Variants in CEPT1 observed in about 807,000 individuals in gnomAD.
CEPT1 encodes choline/ethanolamine phosphotransferase 1.
In CEPT1, 7 loss-of-function variants were observed where a neutral mutation model predicts 42.6. That is an observed-to-expected ratio of 0.16 (90% CI 0.09 to 0.31). The LOEUF (loss-of-function observed/expected upper bound fraction) is 0.31. Ranked by LOEUF, CEPT1 falls within the 10% of genes least tolerant of loss-of-function variation. The pLI is 1.00. For synonymous variants in CEPT1, 171 were observed against 171.9 expected (o/e 0.99, Z 0.04); for missense variants, 306 against 502.1 (o/e 0.61, Z 3.73).
At chr1:111,164,816 G>A (rs987693304) in intron 4 of CEPT1, among the ~76,000 whole-genome samples, 141 of 151,858 alleles carry the variant, frequency 9.3e-4, no homozygotes, top group African/African-American at 3.1e-3. Context: ...GTAGAGATGG[G>A]GTTTCACCGT....
At chr1:111,176,731 T>G (rs1656694523) in intron 5 of CEPT1, among the ~76,000 whole-genome samples, 1 of 152,176 alleles carries the variant, frequency 6.6e-6, no homozygotes, top group South Asian at 2.1e-4. Context: ...TTATACACAT[T>G]GCCCAAAGGT....
chr1:111,173,805 T>C (rs1260050189), intron 4 of CEPT1, among the ~76,000 whole-genome samples: 2 of 152,196 alleles, frequency 1.3e-5, no homozygotes, highest in African/African-American at 4.8e-5. Flanking sequence ...AAAAATAGCC[T>C]GTACACATTC....
At chr1:111,160,745 TA>T (rs111251108) in intron 3 of CEPT1, 5,136 of 159,046 alleles carry the variant, frequency 0.032, 230 homozygotes, top group African/African-American at 0.1. Flanking sequence ...AATATCTGTT[TA>T]AAAAAAAAAA....
chr1:111,159,331 T>C (rs749913948), intron 2 of CEPT1, 49 bp from the exon 3 acceptor site: 2 of 1,563,798 alleles, frequency 1.3e-6, no homozygotes, highest in South Asian at 2.4e-5. Flanking sequence ...TAGTCAAACA[T>C]GGTAACTGTG....
chr1:111,176,184 G>A (rs185989179), intron 5 of CEPT1, among the ~76,000 whole-genome samples: 1 of 152,264 alleles, frequency 6.6e-6, no homozygotes, highest in East Asian at 1.9e-4. Context: ...ATTCAGTTAT[G>A]TACATAATAT....
At chr1:111,174,751 C>A (rs936174801) in intron 4 of CEPT1, 128 bp from the exon 5 acceptor site, 7 of 530,948 alleles carry the variant, frequency 1.3e-5, no homozygotes, top group African/African-American at 1.1e-4. Context: ...CTCCTTTTCC[C>A]CTTTCCTCAA....
At chr1:111,147,488 C>T (rs1655032325) in intron 1 of CEPT1, among the ~76,000 whole-genome samples, 154 bp from the exon 2 acceptor site, 1 of 151,972 alleles carries the variant, frequency 6.6e-6, no homozygotes, top group East Asian at 1.9e-4. Context: ...AGAACTAGAA[C>T]CAAAATCAGG....
At chr1:111,168,272 A>C (rs1024166580) in intron 4 of CEPT1, among the ~76,000 whole-genome samples, 1 of 152,174 alleles carries the variant, frequency 6.6e-6, no homozygotes, top group Non-Finnish European at 1.5e-5. Context: ...ACACTTTAGC[A>C]TAAGAAAAAA....
intron 5 of CEPT1, among the ~76,000 whole-genome samples, chr1:111,177,253 G>A (rs1656724701): frequency 6.6e-6 from 1 of 152,146 alleles, no homozygotes; most frequent in Admixed American, 6.5e-5. Context: ...ACAGGATATG[G>A]GTCTGTGCAC....
intron 4 of CEPT1, among the ~76,000 whole-genome samples, chr1:111,174,317 G>A (rs1656567415): frequency 6.6e-6 from 1 of 151,910 alleles, no homozygotes; most frequent in African/African-American, 2.4e-5. Flanking sequence ...AGAAGTCTCA[G>A]AGTAGTTAAC....
intron 1 of CEPT1, 44 bp from the exon 2 acceptor site, chr1:111,147,598 C>A (rs1655041237): frequency 1.5e-6 from 1 of 668,424 alleles, no homozygotes; most frequent in Non-Finnish European, 2.4e-6. Flanking sequence ...TAAATAGTGG[C>A]CAACAAGTGT....
At chr1:111,177,276 C>T (rs1002947503) in intron 5 of CEPT1, among the ~76,000 whole-genome samples, 4 of 152,134 alleles carry the variant, frequency 2.6e-5, no homozygotes, top group African/African-American at 4.8e-5. Flanking sequence ...AGATATATTG[C>T]AGCTATGAAG....
intron 2 of CEPT1, among the ~76,000 whole-genome samples, chr1:111,152,361 A>G (rs77520259): frequency 0.023 from 3,533 of 151,548 alleles, 141 homozygotes; most frequent in African/African-American, 0.08. Context: ...AAAAAAATGC[A>G]AAGAGTGGCA....
At chr1:111,151,114 G>A (rs1571119006) in intron 2 of CEPT1, among the ~76,000 whole-genome samples, 1 of 144,668 alleles carries the variant, frequency 6.9e-6, no homozygotes, top group South Asian at 2.2e-4. Flanking sequence ...AGCACTGCTT[G>A]TTTTTTTTTG....
chr1:111,158,459 GTA>G (rs1655689896), intron 2 of CEPT1, among the ~76,000 whole-genome samples: 1 of 152,164 alleles, frequency 6.6e-6, no homozygotes, highest in Non-Finnish European at 1.5e-5. Flanking sequence ...TTGAAAAATA[GTA>G]TTCTGAACAC....
rs116383178 is a variant in CEPT1 at position 111,171,333 on chromosome 1, T to C, written c.630-3546T>C. ...CTTGATCAGGGAGTTTTCTAAGCTT[T>C]TTGTAGTGACGAAGACCTCCTGAGA... On this transcript the variant is annotated intron_variant, in intron 4 of 8. Transcript: ENST00000357172. Among the ~76,000 whole-genome samples, 562 of 152,352 alleles carry C rather than the reference T, an allele frequency of 3.7e-3. 5 individuals are homozygous for C. The highest frequency in any genetic ancestry group is 0.013 in the African/African-American group (532 of 41,566).
chr1:111,156,455 T>C (rs1655579367), intron 2 of CEPT1, among the ~76,000 whole-genome samples: 1 of 152,250 alleles, frequency 6.6e-6, no homozygotes, highest in South Asian at 2.1e-4. Flanking sequence ...TCAATGTTAC[T>C]TTGTTGGTTT....
intron 1 of CEPT1, among the ~76,000 whole-genome samples, chr1:111,146,735 A>T (rs1340343086): frequency 6.6e-6 from 1 of 152,096 alleles, no homozygotes; most frequent in African/African-American, 2.4e-5. Context: ...ATGAAATACA[A>T]ATACTTCAGG....
chr1:111,169,822 G>A (rs1656333211), intron 4 of CEPT1, among the ~76,000 whole-genome samples: 1 of 152,054 alleles, frequency 6.6e-6, no homozygotes, highest in Non-Finnish European at 1.5e-5. Flanking sequence ...AGCATTTTTG[G>A]TGAAATTGTA....
Sources: allele counts gnomAD v4.1 joint callset (sites outside exome capture counted in the v4.1 genomes callset), GRCh38; gene constraint gnomAD v4.1.1; transcripts MANE v1.5; gene names NCBI Gene and HGNC (gene_info 2026-07-23, HGNC 2026-07-21).